The following TNFRSF14 variants were observed in gnomAD, a reference collection of about 807,000 sequenced individuals.
The protein encoded by TNFRSF14 is tumor necrosis factor receptor superfamily member 14.
In TNFRSF14, 18 loss-of-function variants were observed where a neutral mutation model predicts 34.1. The ratio of observed to expected loss-of-function variants is 0.53; its 90% CI spans 0.36 to 0.78. TNFRSF14 has a LOEUF of 0.78. Among genes scored for constraint, TNFRSF14 ranks in the 30% least tolerant of loss-of-function variants. The pLI is 0.00. For synonymous variants in TNFRSF14, 157 were observed against 153.2 expected (o/e 1.02, Z -0.18); for missense variants, 352 against 379.5 (o/e 0.93, Z 0.60).
Position 2,557,836 on chromosome 1 carries a change from TA to T in TNFRSF14, c.178+3del. The T allele has an allele frequency of 6.2e-7, 1 of 1,604,480 alleles. No homozygotes were observed. Among genetic ancestry groups the T allele is most frequent in the Non-Finnish European group, 8.5e-7 (1 of 1,174,516 alleles). Reference sequence around the variant, plus strand: ...AGTGCTGCCCCAAGTGCAGTCCAGGTAGGTGCAGCCCTTTGGCGGGCCAGCT... The same window carrying T: ...AGTGCTGCCCCAAGTGCAGTCCAGGTGGTGCAGCCCTTTGGCGGGCCAGCT... On this transcript the variant is annotated splice_donor_region_variant and intron_variant, in intron 2 of 7. Coordinates refer to ENST00000355716, the MANE Select transcript of TNFRSF14 (RefSeq NM_003820.4).
In TNFRSF14 at chr1:2,563,223, G is replaced by T; in HGVS notation, c.802G>T (p.Ala268Ser). The T allele has an allele frequency of 6.2e-7, 1 of 1,613,494 alleles. No homozygotes were observed. Among genetic ancestry groups the T allele is most frequent in the Non-Finnish European group, 8.5e-7 (1 of 1,180,018 alleles). The change falls in exon 8 of 8, where the codon GCC (alanine) becomes TCC (serine). Residue 268 changes from alanine (A) to serine (S), a missense_variant. Physicochemically the swap from Ala to Ser is moderately conservative, Grantham distance 99. Coordinates refer to ENST00000355716, the MANE Select transcript of TNFRSF14 (RefSeq NM_003820.4). ...GGCCCCTCCGGACGTCACCACGGTG[G>T]CCGTGGAGGAGACAATACCCTCATT... ...LQAPPDVTTV[A>S]VEETIPSFTG... is the part of the protein sequence containing the mutation.
chr1:2,556,600 T>G lies in TNFRSF14; in HGVS notation c.-65T>G. On this transcript the variant is annotated 5_prime_UTR_variant, in exon 1 of 8. Coordinates refer to ENST00000355716, the MANE Select transcript of TNFRSF14 (RefSeq NM_003820.4). ...TGGCCCACAGCCGCAGCAATGGCGC[T>G]GAGTTCCTCTGCTGGAGTTCATCCT... The G allele has an allele frequency of 6.0e-6, 9 of 1,487,878 alleles. No homozygotes were observed. The highest frequency in any genetic ancestry group is 1.4e-5 in the African/African-American group (1 of 72,306). 92.2% of individuals were successfully genotyped at this position (1,487,878 alleles called of 1,614,324 possible).
At chr1:2,557,954 G>A in intron 2 of TNFRSF14, 120 bp downstream of exon 2, 1 of 862,422 alleles carries the variant, frequency 1.2e-6, no homozygotes, top group South Asian at 1.8e-5. Flanking sequence ...TGAAGCCCTG[G>A]GGCTAGGTGT....
At chr1:2,560,880 T>C (rs913971936) in intron 5 of TNFRSF14, 166 bp downstream of exon 5, 1 of 633,152 alleles carries the variant, frequency 1.6e-6, no homozygotes. Flanking sequence ...CTGAAGCCTG[T>C]GTGCCCCAGA....
rs757770702 is a variant in TNFRSF14, at chr1:2,560,766, C to A, written c.551+52C>A. On this transcript the variant is annotated intron_variant, in intron 5 of 7. Transcript: ENST00000355716. The stretch of plus-strand genomic sequence containing the variant: ...TCTGTGCCCTGGGGAGGGGGCTCCA[C>A]GTTGCTTCCCTGGGAGATGACCGTC... 1.9e-6 allele frequency: 3 copies of A among 1,544,978 alleles called. No homozygotes were observed. In the East Asian group the frequency reaches 6.8e-5, roughly 35 times the overall value.
intron 1 of TNFRSF14, among the ~76,000 whole-genome samples, chr1:2,557,402 C>A (rs952895142): frequency 7.9e-5 from 12 of 152,320 alleles, no homozygotes; most frequent in Admixed American, 7.2e-4. Context: ...GCAGGGGGGC[C>A]GGCAGGTTGT....
Position 2,561,537 on chromosome 1 carries a change from G to C in TNFRSF14, c.552-136G>C, listed in dbSNP as rs1215243906. ...GACAGACCTCTGAGGTCTCATCCTG[G>C]AGCTGCCACCAGCCCAGCCTCCCTG... On this transcript the variant is annotated intron_variant, in intron 5 of 7. Coordinates refer to ENST00000355716, the MANE Select transcript of TNFRSF14 (RefSeq NM_003820.4). This position sits in a 1 kb window ranked among gnomAD's most constrained non-coding sequence, Gnocchi z 6.0. 5.8e-6 allele frequency: 9 copies of C among 1,561,596 alleles called. No homozygotes were observed. The highest frequency in any genetic ancestry group is 1.4e-5 in the African/African-American group (1 of 73,222).
intron 7 of TNFRSF14, 27 bp from the exon 8 acceptor site, chr1:2,563,121 G>A (rs1180095294): frequency 1.2e-6 from 2 of 1,612,142 alleles, no homozygotes; most frequent in Admixed American, 1.7e-5. Context: ...TGAGCAGGCA[G>A]GGTCTCCACG....
chr1:2,559,711 C>G, intron 3 of TNFRSF14, 112 bp from the exon 4 acceptor site: 1 of 1,536,852 alleles, frequency 6.5e-7, no homozygotes, highest in Non-Finnish European at 8.7e-7. Context: ...GCCAGGGGTT[C>G]AGCCTGGCAG....
intron 3 of TNFRSF14, chr1:2,559,269 C>T: frequency 1.5e-6 from 2 of 1,367,766 alleles, no homozygotes; most frequent in Middle Eastern, 1.9e-4. Context: ...ATGCCCCTCC[C>T]CTCTTGTGAA....
intron 5 of TNFRSF14, chr1:2,560,931 GA>G (rs1644299813): frequency 1.8e-6 from 1 of 543,056 alleles, no homozygotes; most frequent in African/African-American, 1.9e-5. Flanking sequence ...CATCAGATCT[GA>G]GCTTCCTGGA....
rs769591104 is a variant in TNFRSF14, at chr1:2,563,276, C to T, written c.*3C>T. The T allele has an allele frequency of 4.3e-6, 7 of 1,613,046 alleles. No individual in the cohort carries two copies. The highest frequency in any genetic ancestry group is 1.7e-6 in the Non-Finnish European group (2 of 1,179,742). Reference sequence around the variant, plus strand: ...CGGGGAGGAGCCCAAACCACTGACCCACAGACTCTGCACCCCGACGCCAGA... The same window carrying T: ...CGGGGAGGAGCCCAAACCACTGACCTACAGACTCTGCACCCCGACGCCAGA... On this transcript the variant is annotated 3_prime_UTR_variant, in exon 8 of 8. Coordinates refer to ENST00000355716, the MANE Select transcript of TNFRSF14 (RefSeq NM_003820.4).
intron 3 of TNFRSF14, 101 bp downstream of exon 3, chr1:2,558,569 C>CG (rs980684347): frequency 1.3e-6 from 2 of 1,572,904 alleles, no homozygotes; most frequent in African/African-American, 2.7e-5. Context: ...AGGAAGGCCC[C>CG]GGCTGCCCCA....
intron 3 of TNFRSF14, chr1:2,558,714 ACCCTTATC>A: frequency 1.8e-6 from 2 of 1,120,212 alleles, no homozygotes; most frequent in Non-Finnish European, 2.5e-6. Flanking sequence ...TTGGCGACTG[ACCCTTATC>A]CCTCGTCCTT....
upstream of TNFRSF14, chr1:2,556,163 C>G: frequency 5.0e-6 from 2 of 400,130 alleles, no homozygotes; most frequent in Non-Finnish European, 9.7e-6. Context: ...TCAGCAGAAG[C>G]TGAGATGGGA....
rs1644347770 is a variant in TNFRSF14, at chr1:2,563,827, A to C, written c.*554A>C. 4.3e-6 allele frequency: 1 copy of C among 233,850 alleles called. No homozygotes were observed. Among genetic ancestry groups the C allele is most frequent in the African/African-American group, 2.2e-5 (1 of 45,296 alleles). 14.5% of individuals were successfully genotyped at this position (233,850 alleles called of 1,614,324 possible). On this transcript the variant is annotated 3_prime_UTR_variant, in exon 8 of 8. Coordinates refer to ENST00000355716, the MANE Select transcript of TNFRSF14 (RefSeq NM_003820.4). Reference sequence around the variant, plus strand: ...GGATGTAAATATCTTGTTTCTCCTCAAACTGTCACCTCCCGGTGTTTCTTG... The same window carrying C: ...GGATGTAAATATCTTGTTTCTCCTCCAACTGTCACCTCCCGGTGTTTCTTG...
Position 2,561,005 on chromosome 1 carries a change from C to G in TNFRSF14, c.551+291C>G, listed in dbSNP as rs554515911. 38 of 451,286 alleles carry G rather than the reference C, an allele frequency of 8.4e-5. No individual in the cohort carries two copies. The highest frequency in any genetic ancestry group is 5.8e-4 in the Middle Eastern group (1 of 1,736). The allele number at this position is 451,286 out of a possible 1,614,324, so 28.0% of individuals were successfully genotyped here. On this transcript the variant is annotated intron_variant, in intron 5 of 7. Coordinates refer to ENST00000355716, the MANE Select transcript of TNFRSF14 (RefSeq NM_003820.4). This position sits in a 1 kb window ranked among gnomAD's most constrained non-coding sequence, Gnocchi z 6.0. ...GAGGCTGCCTCCAGATCCCCTGTCC[C>G]CTGGGGCTGTGGGTGTCCCTGAATG...
intron 3 of TNFRSF14, chr1:2,558,756 G>T: frequency 8.0e-7 from 1 of 1,243,440 alleles, no homozygotes; most frequent in South Asian, 1.6e-5. Flanking sequence ...CCCGGGGTGG[G>T]TGCCCAGACC....
At chr1:2,555,583 G>A (rs1212727478), upstream of TNFRSF14, 1 of 153,028 alleles carries the variant, frequency 6.5e-6, no homozygotes, top group Non-Finnish European at 1.5e-5. The surrounding 1 kb of genome is among the most constrained non-coding windows in gnomAD (Gnocchi z 6.3). Context: ...TCTGGCAGAT[G>A]GGCTTGCTGG....
Sources: allele counts gnomAD v4.1 joint callset (sites outside exome capture counted in the v4.1 genomes callset), GRCh38; gene constraint gnomAD v4.1.1; non-coding constraint Gnocchi (gnomAD v3.1); transcripts MANE v1.5; gene names NCBI Gene and HGNC (gene_info 2026-07-23, HGNC 2026-07-21).